SLC5A3: variants seen among roughly 807,000 people sequenced by gnomAD.
The protein encoded by SLC5A3 is solute carrier family 5 member 3.
A neutral mutation model predicts 43.2 loss-of-function variants in SLC5A3; 10 were observed. The ratio of observed to expected loss-of-function variants is 0.23; its 90% CI spans 0.14 to 0.39. The LOEUF (loss-of-function observed/expected upper bound fraction) is 0.39, where lower values mean the gene tolerates loss of function less well. Ranked by LOEUF, SLC5A3 falls within the 10% of genes least tolerant of loss-of-function variation. The pLI is 1.00. For missense variants in SLC5A3, 608 were observed against 893.4 expected, an observed-to-expected ratio of 0.68 and a Z score of 4.07; for synonymous variants, 349 against 322.0, an observed-to-expected ratio of 1.08 and a Z score of -0.90.
At chr21:34,086,516 T>TG (rs1491194518) in intron 1 of SLC5A3, among the ~76,000 whole-genome samples, 27 of 76,948 alleles carry the variant, frequency 3.5e-4, no homozygotes, top group African/African-American at 1.2e-3. Flanking sequence ...CTAGTTTGTG[T>TG]TTGTGTGTGT....
chr21:34,088,213 T>C (rs1301041519), intron 1 of SLC5A3, among the ~76,000 whole-genome samples: 2 of 144,076 alleles, frequency 1.4e-5, no homozygotes, highest in Non-Finnish European at 3.0e-5. Context: ...TCTATAGCTG[T>C]GATGACTGGG....
In SLC5A3 at chr21:34,098,079, G is replaced by A. The variant is rs1450963294; in HGVS notation, c.*724G>A. 1.0e-6 allele frequency: 1 copy of A among 999,064 alleles called. No individual in the cohort carries two copies. Among genetic ancestry groups the A allele is most frequent in the Non-Finnish European group, 1.2e-6 (1 of 829,350 alleles). The allele number at this position is 999,064 out of a possible 1,614,324, so 61.9% of individuals were successfully genotyped here. The stretch of plus-strand genomic sequence containing the variant: ...GCCTGTAAAGTTACATGTCATGATT[G>A]TGTTGTTAAATGATTATGGGGGAGA... On this transcript the variant is annotated 3_prime_UTR_variant, in exon 2 of 2. Coordinates refer to ENST00000381151, the MANE Select transcript of SLC5A3 (RefSeq NM_006933.7).
Position 34,096,915 on chromosome 21 carries a change from C to T in SLC5A3, c.1717C>T (p.Leu573=), listed in dbSNP as rs766106970. ...ATACAAAATGCAAGAAAAGAGCATT[C>T]TGAGATGCAGTGAGAATAATGAGAC... ...EPYKMQEKSI[L]RCSENNETIN... Residue 573 remains leucine, a synonymous_variant, in exon 2 of 2, where the codon CTG becomes TTG. Transcript: ENST00000381151. This position sits in a 1 kb window ranked among gnomAD's most constrained non-coding sequence, Gnocchi z 5.9. The T allele has an allele frequency of 2.6e-5, 42 of 1,613,958 alleles. No homozygotes were observed. Among genetic ancestry groups the T allele is most frequent in the Non-Finnish European group, 3.4e-5 (40 of 1,179,976 alleles).
intron 1 of SLC5A3, among the ~76,000 whole-genome samples, chr21:34,086,990 T>G (rs1978422038): frequency 6.6e-6 from 1 of 152,082 alleles, no homozygotes; most frequent in Non-Finnish European, 1.5e-5. Flanking sequence ...CACTGCACAC[T>G]AAGAGGTGGA....
intron 1 of SLC5A3, among the ~76,000 whole-genome samples, chr21:34,094,426 A>G (rs1179689328): frequency 6.6e-6 from 1 of 152,166 alleles, no homozygotes; most frequent in East Asian, 1.9e-4. Flanking sequence ...CTGGCCATAA[A>G]GTTACCCCCA....
chr21:34,081,789 G>C (rs1313541042), intron 1 of SLC5A3, among the ~76,000 whole-genome samples: 2 of 152,114 alleles, frequency 1.3e-5, no homozygotes, highest in African/African-American at 4.8e-5. Flanking sequence ...GAACTTCATT[G>C]CCTAGTTTTT....
chr21:34,076,589 G>A (rs1305178291), intron 1 of SLC5A3, among the ~76,000 whole-genome samples: 2 of 152,172 alleles, frequency 1.3e-5, no homozygotes, highest in Non-Finnish European at 2.9e-5. Flanking sequence ...GTGTTTCTAA[G>A]AAGAAATTTA....
intron 1 of SLC5A3, among the ~76,000 whole-genome samples, chr21:34,084,079 G>A (rs1467172534): frequency 6.6e-6 from 1 of 152,122 alleles, no homozygotes; most frequent in African/African-American, 2.4e-5. Context: ...ATTTCTACCA[G>A]TCCCTCCAAA....
rs9984245 is a variant in SLC5A3, at chr21:34,105,764, G to T, written c.*8409G>T. On this transcript the variant is annotated 3_prime_UTR_variant, in exon 2 of 2. Transcript: ENST00000381151. ...TACAGCTTTTTTAATTTTAAGGTTT[G>T]ACTAATTGTATCCATCTCATTGTAC... 168,971 of 995,520 alleles carry T rather than the reference G, an allele frequency of 0.17. 15,498 individuals carry two copies. Among genetic ancestry groups the T allele is most frequent in the Non-Finnish European group, 0.18 (152,093 of 825,924 alleles). 61.7% of individuals were successfully genotyped at this position (995,520 alleles called of 1,614,324 possible).
At chr21:34,076,934 C>T (rs977923491) in intron 1 of SLC5A3, among the ~76,000 whole-genome samples, 9 of 152,162 alleles carry the variant, frequency 5.9e-5, no homozygotes, top group Non-Finnish European at 1.2e-4. Flanking sequence ...AGGACATAGC[C>T]GCAAAGGAGA....
intron 1 of SLC5A3, among the ~76,000 whole-genome samples, chr21:34,074,910 G>A (rs953795542): frequency 2.0e-5 from 3 of 152,158 alleles, no homozygotes; most frequent in Non-Finnish European, 4.4e-5. Flanking sequence ...TTGTTAACTG[G>A]GAAGGGACGC....
Position 34,081,338 on chromosome 21 carries a change from A to G in SLC5A3, c.-337+7593A>G, listed in dbSNP as rs1280476445. Among the ~76,000 whole-genome samples the G allele has an allele frequency of 2.0e-5, 3 of 152,226 alleles. No homozygotes were observed. In the East Asian group the frequency reaches 5.8e-4, roughly 29 times the overall value. ...TCATGACCCCTATATTGAGGTTGGC[A>G]AATAAATGTATGTTTATGTGTTGAA... is the stretch of plus-strand genomic sequence containing the variant. On this transcript the variant is annotated intron_variant, in intron 1 of 1. Transcript: ENST00000381151.
At chr21:34,090,517 T>G (rs948390096) in intron 1 of SLC5A3, among the ~76,000 whole-genome samples, 3 of 152,240 alleles carry the variant, frequency 2.0e-5, no homozygotes, top group Non-Finnish European at 2.9e-5. Flanking sequence ...GAGAGCTGCA[T>G]CTTTAATGCA....
Position 34,097,507 on chromosome 21 carries a change from A to G in SLC5A3, c.*152A>G. ...GAAAATCATCTAATTACAAGACTTT[A>G]TTTTCCCAGAGATGGATTAAAGTAA... On this transcript the variant is annotated 3_prime_UTR_variant, in exon 2 of 2. Transcript: ENST00000381151. 1.4e-6 allele frequency: 2 copies of G among 1,407,190 alleles called. No homozygotes were observed. The highest frequency in any genetic ancestry group is 1.9e-6 in the Non-Finnish European group (2 of 1,078,572). The allele number at this position is 1,407,190 out of a possible 1,614,324, so 87.2% of individuals were successfully genotyped here.
At position 34,097,256 on chromosome 21, in the gene SLC5A3, G is replaced by T. The variant is rs769963063; in HGVS notation, c.2058G>T (p.Gln686His). The change falls in exon 2 of 2, where the codon CAG (glutamine) becomes CAT (histidine). Residue 686 changes from glutamine (Q) to histidine (H), a missense_variant. Gln to His is a conservative substitution (Grantham distance 24). Transcript: ENST00000381151. ...DLMEEEAVCL[Q>H]MLEETRQVKV... Reference sequence around the variant, plus strand: ...TGGAAGAGGAGGCTGTTTGTTTACAGATGCTAGAAGAGACTCGGCAAGTTA... The same window carrying T: ...TGGAAGAGGAGGCTGTTTGTTTACATATGCTAGAAGAGACTCGGCAAGTTA... The T allele has an allele frequency of 1.2e-6, 2 of 1,614,060 alleles. No individual in the cohort carries two copies. The highest frequency in any genetic ancestry group is 4.5e-5 in the East Asian group (2 of 44,882).
intron 1 of SLC5A3, among the ~76,000 whole-genome samples, chr21:34,092,787 C>G (rs1414390997): frequency 6.6e-6 from 1 of 152,082 alleles, no homozygotes; most frequent in Non-Finnish European, 1.5e-5. Context: ...CCAGATGAAA[C>G]CAGAAATACC....
Position 34,100,654 on chromosome 21 carries a change from T to A in SLC5A3, c.*3299T>A. 3.0e-6 allele frequency: 3 copies of A among 1,000,220 alleles called. No homozygotes were observed. Among genetic ancestry groups the A allele is most frequent in the Non-Finnish European group, 3.6e-6 (3 of 829,972 alleles). 62.0% of individuals were successfully genotyped at this position (1,000,220 alleles called of 1,614,324 possible). On this transcript the variant is annotated 3_prime_UTR_variant, in exon 2 of 2. Transcript: ENST00000381151. ...CCCATCACTCTGTGAAACTTCACAT[T>A]TTAAGAACTGAGTTGAGGGGGTTGT... is the stretch of plus-strand genomic sequence containing the variant.
At chr21:34,075,899 C>A (rs1989318961) in intron 1 of SLC5A3, among the ~76,000 whole-genome samples, 1 of 152,194 alleles carries the variant, frequency 6.6e-6, no homozygotes, top group African/African-American at 2.4e-5. Flanking sequence ...AAAAATGCGA[C>A]TGTGAGCTTG....
chr21:34,073,743 C>A lies in SLC5A3; in HGVS notation c.-339C>A. On this transcript the variant is annotated splice_region_variant and 5_prime_UTR_variant, in exon 1 of 2. Transcript: ENST00000381151. Reference sequence around the variant, plus strand: ...GGCTTTAATCCTGAAAGCCATGCAGCGGGTAAGTGACCTTCCCTCAGAGCC... The same window carrying A: ...GGCTTTAATCCTGAAAGCCATGCAGAGGGTAAGTGACCTTCCCTCAGAGCC... 6.6e-7 allele frequency: 1 copy of A among 1,523,512 alleles called. No homozygotes were observed. Among genetic ancestry groups the A allele is most frequent in the Non-Finnish European group, 8.8e-7 (1 of 1,130,352 alleles). The allele number at this position is 1,523,512 out of a possible 1,614,324, so 94.4% of individuals were successfully genotyped here.
Sources: gnomAD v4.1 joint callset for allele counts (sites outside exome capture counted in the v4.1 genomes callset) on GRCh38, gnomAD v4.1.1 for gene constraint, Gnocchi (gnomAD v3.1) non-coding constraint, MANE v1.5 for transcripts, NCBI Gene and HGNC (gene_info 2026-07-23, HGNC 2026-07-21) for gene names.